Variants in SUMO3 observed in about 807,000 individuals in gnomAD.
The protein encoded by SUMO3 is small ubiquitin like modifier 3.
SUMO3 carries 2 observed loss-of-function variants against 11.1 expected under a neutral mutation model. That is an observed-to-expected ratio of 0.18 (90% CI 0.07 to 0.57). The LOEUF (loss-of-function observed/expected upper bound fraction) is 0.57, where lower values mean the gene tolerates loss of function less well. SUMO3 is among the 20% of genes least tolerant of loss of function. SUMO3 has a pLI of 0.92. For missense variants in SUMO3, 70 were observed against 132.8 expected, an observed-to-expected ratio of 0.53 and a Z score of 2.32; for synonymous variants, 56 against 53.5, an observed-to-expected ratio of 1.05 and a Z score of -0.20.
rs2083259804 is a variant in SUMO3, at chr21:44,817,997, G to A, written c.-29C>T. The A allele has an allele frequency of 8.5e-7, 1 of 1,179,014 alleles. No individual in the cohort carries two copies. Among genetic ancestry groups the A allele is most frequent in the Non-Finnish European group, 1.0e-6 (1 of 953,650 alleles). 73.0% of individuals were successfully genotyped at this position (1,179,014 alleles called of 1,614,324 possible). A position where few individuals can be genotyped will look rare whatever the true frequency, so the allele number is the denominator to read the frequency against. On this transcript the variant is annotated 5_prime_UTR_variant, in exon 1 of 4. Transcript: ENST00000332859. ...TGCGCGAGCGGCGCGGGGAGGCGGCGCGGGGGAAGCAGCGCGGAGCGGGCG... is the reference window on the plus strand; with the variant it reads ...TGCGCGAGCGGCGCGGGGAGGCGGCACGGGGGAAGCAGCGCGGAGCGGGCG...
intron 2 of SUMO3, among the ~76,000 whole-genome samples, chr21:44,809,628 C>T (rs1239353557): frequency 2.0e-5 from 3 of 152,198 alleles, no homozygotes; most frequent in African/African-American, 4.8e-5. Flanking sequence ...TCTTTACATA[C>T]GAAACCCAGG....
chr21:44,809,877 G>C (rs1437983446), intron 2 of SUMO3, among the ~76,000 whole-genome samples: 5 of 152,208 alleles, frequency 3.3e-5, no homozygotes, highest in African/African-American at 1.2e-4. Flanking sequence ...GCCCTGACCT[G>C]TCCTGGGTCA....
rs1050231539 is a variant in SUMO3, at chr21:44,807,934, G to A, written c.223-894C>T. The stretch of plus-strand genomic sequence containing the variant: ...CCAGAGCTGCCACTGCCTCAGCGGT[G>A]TGTAGGTTTCCTCAAGTAGGTACAA... On this transcript the variant is annotated intron_variant, in intron 3 of 3. Coordinates refer to ENST00000332859, the MANE Select transcript of SUMO3 (RefSeq NM_006936.3). This position sits in a 1 kb window ranked among gnomAD's most constrained non-coding sequence, Gnocchi z 4.3. Among the ~76,000 whole-genome samples the A allele has an allele frequency of 1.3e-5, 2 of 152,224 alleles. No homozygotes were observed. Among genetic ancestry groups the A allele is most frequent in the East Asian group, 3.8e-4 (2 of 5,200 alleles).
rs1425475445 is a variant in SUMO3, at chr21:44,809,127, G to T, written c.151-9C>A. 2 of 1,613,786 alleles carry T rather than the reference G, an allele frequency of 1.2e-6. No homozygotes were observed. The highest frequency in any genetic ancestry group is 2.2e-5 in the South Asian group (2 of 91,064). On this transcript the variant is annotated splice_polypyrimidine_tract_variant and intron_variant, in intron 2 of 3. Transcript: ENST00000332859. ...TGCCTCATTGACAAGCCCTGGAAAGGAAAAGCAGTGGCCATTAGTCTCACT... is the reference window on the plus strand; with the variant it reads ...TGCCTCATTGACAAGCCCTGGAAAGTAAAAGCAGTGGCCATTAGTCTCACT...
At position 44,808,193 on chromosome 21, in the gene SUMO3, C is replaced by G. The variant is rs879690475; in HGVS notation, c.222+854G>C. 1.6e-5 allele frequency: 3 copies of G among 185,164 alleles called. No homozygotes were observed. In the South Asian group the frequency reaches 5.6e-4, roughly 34 times the overall value. 11.5% of individuals were successfully genotyped at this position (185,164 alleles called of 1,614,324 possible). A position where few individuals can be genotyped will look rare whatever the true frequency, so the allele number is the denominator to read the frequency against. ...GCCATCAGCTGACAAATGACAAGAG[C>G]TGCAACTTGAACCAAGTTTAAAAAA... On this transcript the variant is annotated intron_variant, in intron 3 of 3. Coordinates refer to ENST00000332859, the MANE Select transcript of SUMO3 (RefSeq NM_006936.3).
chr21:44,810,345 G>A lies in SUMO3; in HGVS notation c.151-1227C>T, dbSNP rs1051187989. Among the ~76,000 whole-genome samples the A allele has an allele frequency of 1.8e-4, 28 of 152,192 alleles. No homozygotes were observed. The highest frequency in any genetic ancestry group is 6.3e-4 in the African/African-American group (26 of 41,442). ...GGACACTGGTGGTCTGATGGACACT[G>A]GACCAGGATCCTAGGGCGGAGGGAC... On this transcript the variant is annotated intron_variant, in intron 2 of 3. Coordinates refer to ENST00000332859, the MANE Select transcript of SUMO3 (RefSeq NM_006936.3). This position sits in a 1 kb window ranked among gnomAD's most constrained non-coding sequence, Gnocchi z 4.1.
In SUMO3 at chr21:44,807,954, G is replaced by C. The variant is rs2083187772; in HGVS notation, c.223-914C>G. Among the ~76,000 whole-genome samples, 1 of 152,196 alleles carries C rather than the reference G, an allele frequency of 6.6e-6. No homozygotes were observed. The highest frequency in any genetic ancestry group is 2.4e-5 in the African/African-American group (1 of 41,434). ...GCGGTGTGTAGGTTTCCTCAAGTAG[G>C]TACAAATGGATACTTGTTGCAAAGA... On this transcript the variant is annotated intron_variant, in intron 3 of 3. Coordinates refer to ENST00000332859, the MANE Select transcript of SUMO3 (RefSeq NM_006936.3). This position sits in a 1 kb window ranked among gnomAD's most constrained non-coding sequence, Gnocchi z 4.3.
Position 44,810,013 on chromosome 21 carries a change from T to A in SUMO3, c.151-895A>T, listed in dbSNP as rs1173808162. ...ATGAGGGACAGATAAGAAGGCTGCA[T>A]GAGGCCGGGGAGCAGTTACCACCAT... On this transcript the variant is annotated intron_variant, in intron 2 of 3. Coordinates refer to ENST00000332859, the MANE Select transcript of SUMO3 (RefSeq NM_006936.3). The surrounding 1 kb of genome is among the most constrained non-coding windows in gnomAD (Gnocchi z 4.1). Among the ~76,000 whole-genome samples, 2 of 152,144 alleles carry A rather than the reference T, an allele frequency of 1.3e-5. No homozygotes were observed. Among genetic ancestry groups the A allele is most frequent in the Non-Finnish European group, 2.9e-5 (2 of 68,036 alleles).
Position 44,806,890 on chromosome 21 carries a change from T to A in SUMO3, c.*61A>T, listed in dbSNP as rs2083180712. The A allele has an allele frequency of 1.2e-6, 2 of 1,604,998 alleles. No individual in the cohort carries two copies. The highest frequency in any genetic ancestry group is 2.7e-5 in the African/African-American group (2 of 74,716). Reference sequence around the variant, plus strand: ...GCAGACACCTTTGTGGTCGGCATGGTCACGTGCTCACCATTCAACAGCAAT... The same window carrying A: ...GCAGACACCTTTGTGGTCGGCATGGACACGTGCTCACCATTCAACAGCAAT... On this transcript the variant is annotated 3_prime_UTR_variant, in exon 4 of 4. Transcript: ENST00000332859.
intron 3 of SUMO3, chr21:44,808,430 G>A (rs997732749): frequency 1.5e-5 from 19 of 1,242,978 alleles, no homozygotes; most frequent in African/African-American, 9.4e-5. Context: ...GGAGAATGGC[G>A]TGAACTCAGG....
rs111656051 is a variant in SUMO3 at position 44,812,759 on chromosome 21, G to GC, written c.150+1216dup. 2.2e-3 allele frequency among the ~76,000 whole-genome samples: 335 copies of GC among 152,048 alleles called. 1 individual carries two copies. Among genetic ancestry groups the GC allele is most frequent in the Admixed American group, 3.7e-3 (56 of 15,264 alleles). ...CCGGGAGAGCAGGGGGAAGGGCAGA[G>GC]CCCCCCCCACATGTACACGGCCCCA... is the stretch of plus-strand genomic sequence containing the variant. On this transcript the variant is annotated intron_variant, in intron 2 of 3. Coordinates refer to ENST00000332859, the MANE Select transcript of SUMO3 (RefSeq NM_006936.3).
chr21:44,817,740 G>GGGGGCGGAGCTC (rs919469378), intron 1 of SUMO3, among the ~76,000 whole-genome samples: 43 of 150,484 alleles, frequency 2.9e-4, no homozygotes, highest in African/African-American at 1.0e-3. Flanking sequence ...CAGGCCCGGA[G>GGGGGCGGAGCTC]GGGGCGGAGC....
chr21:44,812,643 A>G (rs1359011977), intron 2 of SUMO3, among the ~76,000 whole-genome samples: 1 of 152,206 alleles, frequency 6.6e-6, no homozygotes, highest in African/African-American at 2.4e-5. Flanking sequence ...AGAGAACCCA[A>G]GTTTCTAGAA....
rs1265374166 is a variant in SUMO3, at chr21:44,811,265, C to G, written c.151-2147G>C. 6.6e-6 allele frequency among the ~76,000 whole-genome samples: 1 copy of G among 152,180 alleles called. No homozygotes were observed. Among genetic ancestry groups the G allele is most frequent in the Non-Finnish European group, 1.5e-5 (1 of 68,032 alleles). Reference sequence around the variant, plus strand: ...TATGGGAAGTAAAAAATACTACTACCTTCAGAAAACAATCAATTGCTACTG... The same window carrying G: ...TATGGGAAGTAAAAAATACTACTACGTTCAGAAAACAATCAATTGCTACTG... On this transcript the variant is annotated intron_variant, in intron 2 of 3. Coordinates refer to ENST00000332859, the MANE Select transcript of SUMO3 (RefSeq NM_006936.3). The surrounding 1 kb of genome is among the most constrained non-coding windows in gnomAD (Gnocchi z 5.0).
Position 44,813,967 on chromosome 21 carries a change from G to A in SUMO3, c.150+9C>T, listed in dbSNP as rs375002240. 4.4e-4 allele frequency: 706 copies of A among 1,609,458 alleles called. No individual in the cohort carries two copies. Among genetic ancestry groups the A allele is most frequent in the Admixed American group, 9.7e-4 (58 of 60,022 alleles). On this transcript the variant is annotated intron_variant, in intron 2 of 3. Transcript: ENST00000332859. ...CGGGGAGGCTCTGCGGGGGAGCAAG[G>A]TGCCGCACCTGCCTCTCGCAGTAGG...
intron 2 of SUMO3, chr21:44,813,665 G>A (rs753636634): frequency 9.4e-6 from 7 of 747,048 alleles, no homozygotes; most frequent in Admixed American, 5.9e-5. Flanking sequence ...AGAGCCTTCA[G>A]CATCACAGAC....
chr21:44,818,016 G>T lies in SUMO3; in HGVS notation c.-48C>A. ...GGCGGCGCGGGGGAAGCAGCGCGGA[G>T]CGGGCGAGTCACGCTCTCGGCCCCG... On this transcript the variant is annotated 5_prime_UTR_variant, in exon 1 of 4. Coordinates refer to ENST00000332859, the MANE Select transcript of SUMO3 (RefSeq NM_006936.3). 1 of 1,172,234 alleles carries T rather than the reference G, an allele frequency of 8.5e-7. No homozygotes were observed. The highest frequency in any genetic ancestry group is 1.1e-6 in the Non-Finnish European group (1 of 949,304). The allele number at this position is 1,172,234 out of a possible 1,614,324, so 72.6% of individuals were successfully genotyped here.
chr21:44,811,159 G>GGCACACACCCACACATACACACACAT lies in SUMO3; in HGVS notation c.151-2067_151-2042dup, dbSNP rs2083210436. Among the ~76,000 whole-genome samples, 7 of 140,540 alleles carry GGCACACACCCACACATACACACACAT rather than the reference G, an allele frequency of 5.0e-5. 2 individuals are homozygous for GGCACACACCCACACATACACACACAT. Among genetic ancestry groups the GGCACACACCCACACATACACACACAT allele is most frequent in the African/African-American group, 1.8e-4 (7 of 38,040 alleles). The allele number at this position is 140,540 out of a possible 152,430, so 92.2% of individuals were successfully genotyped here. A position where few individuals can be genotyped will look rare whatever the true frequency, so the allele number is the denominator to read the frequency against. On this transcript the variant is annotated intron_variant, in intron 2 of 3. Transcript: ENST00000332859. This position sits in a 1 kb window ranked among gnomAD's most constrained non-coding sequence, Gnocchi z 5.0. ...GCACACACCCACACATACACACACA[G>GGCACACACCCACACATACACACACAT]GCACACACCCACACATACACACACA...
chr21:44,806,841 C>T lies in SUMO3; in HGVS notation c.*110G>A, dbSNP rs900250720. On this transcript the variant is annotated 3_prime_UTR_variant, in exon 4 of 4. Transcript: ENST00000332859. ...AGTACATCAAAGAGAGGAAAATCAT[C>T]GTGGTGAATGTCCTCGAGTTTCCGC... 39 of 1,507,036 alleles carry T rather than the reference C, an allele frequency of 2.6e-5. No homozygotes were observed. In the African/African-American group the frequency reaches 3.6e-4, roughly 14 times the overall value. 93.4% of individuals were successfully genotyped at this position (1,507,036 alleles called of 1,614,324 possible).
Sources: gnomAD v4.1 joint callset for allele counts (sites outside exome capture counted in the v4.1 genomes callset) on GRCh38, gnomAD v4.1.1 for gene constraint, Gnocchi (gnomAD v3.1) non-coding constraint, MANE v1.5 for transcripts, NCBI Gene and HGNC (gene_info 2026-07-23, HGNC 2026-07-21) for gene names.